PSMD14: variants seen among roughly 807,000 people sequenced by gnomAD.
The protein encoded by PSMD14 is proteasome 26S subunit, non-ATPase 14.
A neutral mutation model predicts 41.2 loss-of-function variants in PSMD14; 7 were observed. The observed-to-expected ratio is 0.17, with a 90% CI of 0.10 to 0.32. The LOEUF (loss-of-function observed/expected upper bound fraction) is 0.32, where lower values mean the gene tolerates loss of function less well. Among genes scored for constraint, PSMD14 ranks in the 10% least tolerant of loss-of-function variants. The probability of loss-of-function intolerance (pLI) is 1.00; values close to 1 mark genes in which losing one functional copy is unlikely to be tolerated. For missense variants in PSMD14, 139 were observed against 375.6 expected (o/e 0.37, Z 5.21); for synonymous variants, 114 against 122.3 (o/e 0.93, Z 0.45).
At chr2:161,376,591 A>G (rs1350121279) in intron 7 of PSMD14, among the ~76,000 whole-genome samples, 1 of 151,776 alleles carries the variant, frequency 6.6e-6, no homozygotes, top group African/African-American at 2.4e-5. Context: ...ATCTAGGAAT[A>G]CTCTTCTGAT....
chr2:161,331,341 C>T (rs1384529500), intron 3 of PSMD14, among the ~76,000 whole-genome samples: 1 of 151,842 alleles, frequency 6.6e-6, no homozygotes, highest in African/African-American at 2.4e-5. Context: ...CGGCTCAGTG[C>T]AACCTCCGCC....
At chr2:161,322,262 T>A (rs1682618618) in intron 3 of PSMD14, among the ~76,000 whole-genome samples, 1 of 152,338 alleles carries the variant, frequency 6.6e-6, no homozygotes, top group African/African-American at 2.4e-5. Flanking sequence ...TTTCTTGTAC[T>A]ATGATACTGA....
chr2:161,408,939 A>C, intron 11 of PSMD14, 40 bp downstream of exon 11: 2 of 1,500,528 alleles, frequency 1.3e-6, no homozygotes, highest in Non-Finnish European at 9.2e-7. Flanking sequence ...TTGCATAATA[A>C]CATGTTCTTA....
chr2:161,309,814 T>C (rs533511425), intron 1 of PSMD14, among the ~76,000 whole-genome samples: 1 of 152,134 alleles, frequency 6.6e-6, no homozygotes, highest in Non-Finnish European at 1.5e-5. Flanking sequence ...GAGTTTTTGG[T>C]TTTTTGTTTT....
At chr2:161,382,765 G>A (rs898520758) in intron 7 of PSMD14, 3 of 151,720 alleles carry the variant, frequency 2.0e-5, no homozygotes, top group African/African-American at 7.2e-5. Context: ...TTAAGTTACT[G>A]TTTGAGTTTA....
intron 8 of PSMD14, among the ~76,000 whole-genome samples, chr2:161,385,975 C>A (rs932008100): frequency 6.6e-6 from 1 of 151,654 alleles, no homozygotes; most frequent in Non-Finnish European, 1.5e-5. Flanking sequence ...TTTAAGATAT[C>A]CCTAGAAGTA....
At chr2:161,331,501 G>C (rs1355172273) in intron 3 of PSMD14, among the ~76,000 whole-genome samples, 2 of 152,044 alleles carry the variant, frequency 1.3e-5, no homozygotes, top group Non-Finnish European at 2.9e-5. Context: ...CTGGTGATCT[G>C]CCTGCCTCGG....
chr2:161,380,843 T>A (rs981959067), intron 7 of PSMD14, among the ~76,000 whole-genome samples: 1 of 151,994 alleles, frequency 6.6e-6, no homozygotes, highest in African/African-American at 2.4e-5. Context: ...TGTCTGGCAG[T>A]GCATGGCAGC....
At chr2:161,319,039 T>C (rs1026746482) in intron 3 of PSMD14, 166 bp downstream of exon 3, 1 of 452,500 alleles carries the variant, frequency 2.2e-6, no homozygotes, top group African/African-American at 2.0e-5. Flanking sequence ...AGATAACATG[T>C]GGAAAACATT....
At chr2:161,347,921 G>A (rs970041032) in intron 3 of PSMD14, among the ~76,000 whole-genome samples, 2 of 152,186 alleles carry the variant, frequency 1.3e-5, no homozygotes, top group African/African-American at 4.8e-5. Context: ...CAAACAGTGA[G>A]CTACGGCTTG....
chr2:161,393,771 T>A (rs1683748931), intron 9 of PSMD14, among the ~76,000 whole-genome samples: 1 of 151,954 alleles, frequency 6.6e-6, no homozygotes, highest in Non-Finnish European at 1.5e-5. Flanking sequence ...TTAATGATGG[T>A]CCTCAATTGA....
intron 2 of PSMD14, among the ~76,000 whole-genome samples, chr2:161,318,139 T>C (rs527693260): frequency 1.3e-5 from 2 of 152,312 alleles, no homozygotes; most frequent in Admixed American, 1.3e-4. Context: ...AGAAGCACAG[T>C]TGAATTTCCT....
intron 10 of PSMD14, among the ~76,000 whole-genome samples, chr2:161,396,261 G>T (rs940880366): frequency 2.0e-5 from 3 of 152,148 alleles, no homozygotes; most frequent in African/African-American, 2.4e-5. Flanking sequence ...AACAGATCCC[G>T]CAATCCCACC....
intron 9 of PSMD14, among the ~76,000 whole-genome samples, chr2:161,391,989 C>G (rs749166746): frequency 6.6e-6 from 1 of 152,150 alleles, no homozygotes. Context: ...ATAATTTGTA[C>G]TAGATTCTGA....
chr2:161,336,612 G>A (rs1380796039), intron 3 of PSMD14, among the ~76,000 whole-genome samples: 1 of 152,054 alleles, frequency 6.6e-6, no homozygotes, highest in Non-Finnish European at 1.5e-5. Flanking sequence ...ATCTTGCTCT[G>A]TTGCCCAGAC....
At chr2:161,408,748 T>C in intron 10 of PSMD14, 89 bp from the exon 11 acceptor site, 1 of 933,196 alleles carries the variant, frequency 1.1e-6, no homozygotes. Context: ...TGAATGAAAA[T>C]TCTGGTCATC....
At chr2:161,375,113 G>T (rs147495963) in intron 7 of PSMD14, among the ~76,000 whole-genome samples, 193 of 152,088 alleles carry the variant, frequency 1.3e-3, no homozygotes, top group Non-Finnish European at 1.9e-3. Flanking sequence ...TTATCTAACT[G>T]CAGGTCAGCT....
At chr2:161,384,062 A>G (rs1232160860) in intron 7 of PSMD14, 1 of 151,634 alleles carries the variant, frequency 6.6e-6, no homozygotes, top group East Asian at 1.9e-4. Context: ...AGTGTGGATT[A>G]AGGTTATTGT....
chr2:161,339,080 T>C (rs569422430), intron 3 of PSMD14, among the ~76,000 whole-genome samples: 9 of 152,362 alleles, frequency 5.9e-5, no homozygotes, highest in South Asian at 2.1e-4. Context: ...TTTTGGCTGT[T>C]ACAGATAAAA....
Sources: gnomAD v4.1 joint callset for allele counts (sites outside exome capture counted in the v4.1 genomes callset) on GRCh38, gnomAD v4.1.1 for gene constraint, MANE v1.5 for transcripts, NCBI Gene and HGNC (gene_info 2026-07-23, HGNC 2026-07-21) for gene names.